Variants in PTGFR observed in about 807,000 individuals in gnomAD.
PTGFR encodes prostaglandin F2-alpha receptor.
PTGFR carries 15 observed loss-of-function variants against 26.2 expected under a neutral mutation model. The observed-to-expected ratio is 0.57, with a 90% CI of 0.38 to 0.88. The LOEUF is 0.88. PTGFR is among the 40% of genes least tolerant of loss of function. The probability of loss-of-function intolerance (pLI) is 0.00; values close to 1 mark genes in which losing one functional copy is unlikely to be tolerated. For missense variants in PTGFR, 369 were observed against 427.2 expected, an observed-to-expected ratio of 0.86 and a Z score of 1.20; for synonymous variants, 165 against 151.1, an observed-to-expected ratio of 1.09 and a Z score of -0.68.
Position 78,536,566 on chromosome 1 carries a change from G to A in PTGFR, c.959G>A (p.Ser320Asn). 2 of 1,613,398 alleles carry A rather than the reference G, an allele frequency of 1.2e-6. No individual in the cohort carries two copies. Among genetic ancestry groups the A allele is most frequent in the Non-Finnish European group, 1.7e-6 (2 of 1,179,538 alleles). The change falls in exon 3 of 3, where the codon AGT becomes AAT. Residue 320 changes from serine (S) to asparagine (N), a missense_variant. Ser to Asn is a conservative substitution (Grantham distance 46). Transcript: ENST00000370757. ...CTTAAGAATCTCTATAAGCTTGCCA[G>A]TCAATGCTGTGGAGTGCATGTCATC... Reference protein sequence around the residue: ...AVLKNLYKLASQCCGVHVISL... With the variant: ...AVLKNLYKLANQCCGVHVISL...
intron 2 of PTGFR, among the ~76,000 whole-genome samples, chr1:78,516,895 A>G (rs1353014774): frequency 6.6e-6 from 1 of 152,140 alleles, no homozygotes; most frequent in East Asian, 1.9e-4. Context: ...TGCAAGAAGG[A>G]GCCAGTTCCA....
intron 2 of PTGFR, among the ~76,000 whole-genome samples, chr1:78,533,319 T>C (rs1650567199): frequency 6.6e-6 from 1 of 152,170 alleles, no homozygotes; most frequent in Non-Finnish European, 1.5e-5. Context: ...AAAGATTTTT[T>C]CCTGAGTAGT....
intron 2 of PTGFR, 21 bp downstream of exon 2, chr1:78,493,562 C>A (rs201944481): frequency 1.3e-6 from 2 of 1,511,018 alleles, no homozygotes; most frequent in South Asian, 1.4e-5. Flanking sequence ...GAAGTTTTGA[C>A]TTCTGCTTTC....
chr1:78,505,251 T>C (rs1367749011), intron 2 of PTGFR, among the ~76,000 whole-genome samples: 5 of 151,174 alleles, frequency 3.3e-5, no homozygotes, highest in Non-Finnish European at 5.9e-5. Flanking sequence ...GCCTCCTGAG[T>C]AGCTGGGATT....
At chr1:78,516,927 A>C (rs1381777570) in intron 2 of PTGFR, among the ~76,000 whole-genome samples, 2 of 152,168 alleles carry the variant, frequency 1.3e-5, no homozygotes, top group Non-Finnish European at 2.9e-5. Flanking sequence ...GCAACAAAAC[A>C]AACTTTTGTC....
chr1:78,517,287 C>T (rs1272007161), intron 2 of PTGFR, among the ~76,000 whole-genome samples: 3 of 152,082 alleles, frequency 2.0e-5, no homozygotes, highest in Non-Finnish European at 2.9e-5. Context: ...GACAGTGGTG[C>T]TGGCTGTGTT....
rs57447321 is a variant in PTGFR at position 78,518,567 on chromosome 1, GACACACACACACACACACACAC to G, written c.799-17807_799-17786del. Reference sequence around the variant, plus strand: ...CAGCATTTGTCATTACAGTATAAAAGACACACACACACACACACACACACACACACACACACACACACACACA... The same window carrying G: ...CAGCATTTGTCATTACAGTATAAAAGACACACACACACACACACACACACA... On this transcript the variant is annotated intron_variant, in intron 2 of 2. Coordinates refer to ENST00000370757, the MANE Select transcript of PTGFR (RefSeq NM_000959.4). Among the ~76,000 whole-genome samples the G allele has an allele frequency of 5.1e-3, 698 of 137,950 alleles. 6 individuals carry two copies. Among genetic ancestry groups the G allele is most frequent in the African/African-American group, 0.016 (600 of 37,192 alleles). The allele number at this position is 137,950 out of a possible 152,430, so 90.5% of individuals were successfully genotyped here. A position where few individuals can be genotyped will look rare whatever the true frequency, so the allele number is the denominator to read the frequency against.
rs1229183662 is a variant in PTGFR at position 78,502,869 on chromosome 1, G to C, written c.798+9328G>C. Among the ~76,000 whole-genome samples the C allele has an allele frequency of 4.5e-4, 69 of 152,092 alleles. 1 individual carries two copies. Among genetic ancestry groups the C allele is most frequent in the Admixed American group, 4.5e-3 (69 of 15,266 alleles). ...GTACTTATAAGATAAAAAGAGAAGA[G>C]ATATGCAGGAAACTGAAATATAACG... On this transcript the variant is annotated intron_variant, in intron 2 of 2. Coordinates refer to ENST00000370757, the MANE Select transcript of PTGFR (RefSeq NM_000959.4).
At chr1:78,534,000 T>C (rs1650585906) in intron 2 of PTGFR, among the ~76,000 whole-genome samples, 1 of 152,190 alleles carries the variant, frequency 6.6e-6, no homozygotes, top group Admixed American at 6.6e-5. Flanking sequence ...GTGTCCAGTG[T>C]TTTACAGTTA....
chr1:78,533,858 GA>G (rs936515842), intron 2 of PTGFR, among the ~76,000 whole-genome samples: 2 of 152,104 alleles, frequency 1.3e-5, no homozygotes, highest in African/African-American at 4.8e-5. Flanking sequence ...ACAGTTGATA[GA>G]ATTGTTTTAC....
At chr1:78,494,480 G>A (rs1399226984) in intron 2 of PTGFR, among the ~76,000 whole-genome samples, 1 of 152,220 alleles carries the variant, frequency 6.6e-6, no homozygotes, top group Non-Finnish European at 1.5e-5. Context: ...CAGGTGGGGT[G>A]GAAGTAAGAC....
chr1:78,537,909 A>T lies in PTGFR; in HGVS notation c.*1222A>T, dbSNP rs1430471961. 1 of 152,164 alleles carries T rather than the reference A, an allele frequency of 6.6e-6. No individual in the cohort carries two copies. The highest frequency in any genetic ancestry group is 6.6e-5 in the Admixed American group (1 of 15,256). The allele number at this position is 152,164 out of a possible 1,614,324, so 9.4% of individuals were successfully genotyped here. A position where few individuals can be genotyped will look rare whatever the true frequency, so the allele number is the denominator to read the frequency against. The stretch of plus-strand genomic sequence containing the variant: ...TGTGTAATTCAACCAAAAGAATTTC[A>T]ATACCCATTCAAATTGTCCTAGGTC... On this transcript the variant is annotated 3_prime_UTR_variant, in exon 3 of 3. Transcript: ENST00000370757.
chr1:78,499,858 T>C (rs1649657542), intron 2 of PTGFR, among the ~76,000 whole-genome samples: 1 of 152,222 alleles, frequency 6.6e-6, no homozygotes, highest in Non-Finnish European at 1.5e-5. Context: ...GTGGCTTTAC[T>C]CTACATTATT....
chr1:78,520,389 A>G (rs891405944), intron 2 of PTGFR, among the ~76,000 whole-genome samples: 4 of 152,070 alleles, frequency 2.6e-5, no homozygotes, highest in Non-Finnish European at 4.4e-5. Context: ...AACCACAGAG[A>G]ACGGGTTTGG....
intron 2 of PTGFR, among the ~76,000 whole-genome samples, chr1:78,513,445 A>G (rs573607585): frequency 2.7e-4 from 41 of 152,346 alleles, no homozygotes; most frequent in Admixed American, 1.1e-3. Context: ...TTTAAAAGTG[A>G]TGGCCTAGGG....
intron 2 of PTGFR, among the ~76,000 whole-genome samples, chr1:78,515,688 C>T (rs1345911192): frequency 2.0e-5 from 3 of 152,150 alleles, no homozygotes; most frequent in African/African-American, 7.2e-5. Context: ...GTATTTATCT[C>T]TCTGTAGATA....
At chr1:78,504,355 G>A (rs1237892994) in intron 2 of PTGFR, among the ~76,000 whole-genome samples, 1 of 152,084 alleles carries the variant, frequency 6.6e-6, no homozygotes, top group Admixed American at 6.6e-5. Flanking sequence ...GATTAATAGA[G>A]TAGTTAAACA....
In PTGFR at chr1:78,539,775, G is replaced by A. The variant is rs977869624; in HGVS notation, c.*3088G>A. ...TTTCAAGAGTGATTATTTTTAGAAG[G>A]ACCATATAAAACTTGAAACGCTTGA... On this transcript the variant is annotated 3_prime_UTR_variant, in exon 3 of 3. Coordinates refer to ENST00000370757, the MANE Select transcript of PTGFR (RefSeq NM_000959.4). 2 of 152,412 alleles carry A rather than the reference G, an allele frequency of 1.3e-5. No individual in the cohort carries two copies. Among genetic ancestry groups the A allele is most frequent in the African/African-American group, 4.8e-5 (2 of 41,390 alleles). 9.4% of individuals were successfully genotyped at this position (152,412 alleles called of 1,614,324 possible).
At chr1:78,535,215 G>C (rs1418381618) in intron 2 of PTGFR, among the ~76,000 whole-genome samples, 1 of 152,116 alleles carries the variant, frequency 6.6e-6, no homozygotes, top group Non-Finnish European at 1.5e-5. Context: ...ACAAACAAAA[G>C]CTCAGGAGGG....
Sources: allele counts gnomAD v4.1 joint callset (sites outside exome capture counted in the v4.1 genomes callset), GRCh38; gene constraint gnomAD v4.1.1; transcripts MANE v1.5; gene names NCBI Gene and HGNC (gene_info 2026-07-23, HGNC 2026-07-21).